The following KDM7A variants were observed in gnomAD, a reference collection of about 807,000 sequenced individuals.
The protein encoded by KDM7A is lysine-specific demethylase 7A.
Under a neutral mutation model 114.8 loss-of-function variants are expected in KDM7A, and 28 were observed. That is an observed-to-expected ratio of 0.24 (90% CI 0.18 to 0.33). The LOEUF (loss-of-function observed/expected upper bound fraction) is 0.33. Among genes scored for constraint, KDM7A ranks in the 10% least tolerant of loss-of-function variants. KDM7A has a pLI of 1.00. For synonymous variants in KDM7A, 423 were observed against 397.8 expected (o/e 1.06, Z -0.75); for missense variants, 942 against 1,142.5 (o/e 0.82, Z 2.53).
intron 11 of KDM7A, among the ~76,000 whole-genome samples, chr7:140,106,954 A>G (rs1290847173): frequency 6.6e-6 from 1 of 152,030 alleles, no homozygotes; most frequent in Non-Finnish European, 1.5e-5. Flanking sequence ...GACTTGCTTT[A>G]TGAATCTGGG....
intron 1 of KDM7A, among the ~76,000 whole-genome samples, chr7:140,162,238 G>A (rs1281673742): frequency 1.3e-5 from 2 of 151,970 alleles, no homozygotes; most frequent in African/African-American, 2.4e-5. Context: ...GGGAGGCTAA[G>A]GCAGGAGAAT....
chr7:140,153,851 T>C (rs1284001279), intron 1 of KDM7A, among the ~76,000 whole-genome samples: 1 of 152,222 alleles, frequency 6.6e-6, no homozygotes, highest in African/African-American at 2.4e-5. Context: ...TTTGTTTCTT[T>C]GTTGCTCTTT....
intron 1 of KDM7A, among the ~76,000 whole-genome samples, chr7:140,158,467 G>C (rs1451083274): frequency 6.6e-6 from 1 of 152,170 alleles, no homozygotes; most frequent in Non-Finnish European, 1.5e-5. Context: ...ACGAAGGACT[G>C]CCATTAAATG....
intron 4 of KDM7A, 47 bp from the exon 5 acceptor site, chr7:140,127,630 C>T (rs771136077): frequency 1.3e-6 from 2 of 1,484,206 alleles, no homozygotes; most frequent in Non-Finnish European, 1.9e-6. Flanking sequence ...AGAGTTACAT[C>T]AGCAGATGCT....
intron 11 of KDM7A, among the ~76,000 whole-genome samples, chr7:140,109,193 G>C (rs1369346168): frequency 6.6e-6 from 1 of 152,194 alleles, no homozygotes; most frequent in Admixed American, 6.5e-5. Context: ...CTAGGAAAGG[G>C]AACTCCCCGA....
rs768967415 is a variant in KDM7A, at chr7:140,113,491, T to C, written c.1338A>G (p.Glu446=). Residue 446 remains glutamate, a splice_region_variant and synonymous_variant, in exon 10 of 20, where the codon GAA becomes GAG. Transcript: ENST00000397560. The part of the protein sequence containing the change: ...HTALKLWMKK[E]LVSEHAFEIP... Reference sequence around the variant, plus strand: ...TGATTTCACTGTTGAAACAACTTACTTCTTTTTTCATCCATAATTTTAAAG... The same window carrying C: ...TGATTTCACTGTTGAAACAACTTACCTCTTTTTTCATCCATAATTTTAAAG... 3 of 1,544,952 alleles carry C rather than the reference T, an allele frequency of 1.9e-6. No individual in the cohort carries two copies. Among genetic ancestry groups the C allele is most frequent in the Admixed American group, 3.5e-5 (2 of 57,140 alleles).
In KDM7A at chr7:140,098,963, T is replaced by A; in HGVS notation, c.1834A>T (p.Arg612Trp). Residue 612 changes from arginine (R) to tryptophan (W), a missense_variant, in exon 14 of 20, where the codon AGG becomes TGG. Arg to Trp is a moderately radical substitution (Grantham distance 101). Coordinates refer to ENST00000397560, the MANE Select transcript of KDM7A (RefSeq NM_030647.2). ...ADSENEEDKR[R>W]TKKAKMKIEE... ...ATCTTCATTTTTGCCTTTTTTGTCC[T>A]TCTTTTATCCTCTTCATTTTCACTA... 6.2e-7 allele frequency: 1 copy of A among 1,613,522 alleles called. No individual in the cohort carries two copies. Among genetic ancestry groups the A allele is most frequent in the Non-Finnish European group, 8.5e-7 (1 of 1,179,512 alleles).
rs572538493 is a variant in KDM7A, at chr7:140,101,839, C to T, written c.1638+112G>A. 15 of 729,788 alleles carry T rather than the reference C, an allele frequency of 2.1e-5. No homozygotes were observed. In the African/African-American group the frequency reaches 2.7e-4, roughly 13 times the overall value. 45.2% of individuals were successfully genotyped at this position (729,788 alleles called of 1,614,324 possible). A position where few individuals can be genotyped will look rare whatever the true frequency, so the allele number is the denominator to read the frequency against. ...TAACTACTGGTTGATCCCTACAATG[C>T]TGCAGCCAAGATTAGATATCAACAA... On this transcript the variant is annotated intron_variant, in intron 12 of 19. Transcript: ENST00000397560.
At chr7:140,145,770 C>T (rs2116829475) in intron 1 of KDM7A, among the ~76,000 whole-genome samples, 1 of 152,218 alleles carries the variant, frequency 6.6e-6, no homozygotes, top group Admixed American at 6.5e-5. Flanking sequence ...TTCCTCACTC[C>T]TAAGAAGTGA....
chr7:140,120,713 G>A (rs1239820040), intron 7 of KDM7A, among the ~76,000 whole-genome samples, 184 bp from the exon 8 acceptor site: 1 of 152,114 alleles, frequency 6.6e-6, no homozygotes. Context: ...TTATATGGTA[G>A]GCTCTATGCT....
At chr7:140,168,671 T>G (rs140473215) in intron 1 of KDM7A, among the ~76,000 whole-genome samples, 1 of 151,774 alleles carries the variant, frequency 6.6e-6, no homozygotes, top group Non-Finnish European at 1.5e-5. Flanking sequence ...GTGAAAAGAA[T>G]TGACCTAAGT....
At chr7:140,153,833 T>C (rs183217111) in intron 1 of KDM7A, among the ~76,000 whole-genome samples, 1 of 152,316 alleles carries the variant, frequency 6.6e-6, no homozygotes, top group East Asian at 1.9e-4. Flanking sequence ...CTTCCAGAGT[T>C]ATCATTTTTT....
At chr7:140,162,641 C>T (rs1585167582) in intron 1 of KDM7A, among the ~76,000 whole-genome samples, 2 of 152,156 alleles carry the variant, frequency 1.3e-5, no homozygotes, top group African/African-American at 4.8e-5. Context: ...GTGTTCTTTA[C>T]ACTTGTCTTT....
At position 140,176,184 on chromosome 7, in the gene KDM7A, C is replaced by A. The variant is rs562435830; in HGVS notation, c.194+560G>T. Among the ~76,000 whole-genome samples the A allele has an allele frequency of 3.3e-5, 5 of 152,004 alleles. No individual in the cohort carries two copies. Among genetic ancestry groups the A allele is most frequent in the East Asian group, 2.0e-4 (1 of 5,104 alleles). ...CCCGCCGCTGCCCCCGTCCCACTGG[C>A]CCAGGAAGTTTGATAAAGACGGGGA... On this transcript the variant is annotated intron_variant, in intron 1 of 19. Coordinates refer to ENST00000397560, the MANE Select transcript of KDM7A (RefSeq NM_030647.2). The surrounding 1 kb of genome is among the most constrained non-coding windows in gnomAD (Gnocchi z 4.4).
intron 1 of KDM7A, among the ~76,000 whole-genome samples, chr7:140,154,257 G>T (rs994791027): frequency 6.6e-6 from 1 of 151,856 alleles, no homozygotes; most frequent in Non-Finnish European, 1.5e-5. Context: ...AGGCTAAGGC[G>T]GGAGGACTTC....
chr7:140,148,297 T>G (rs1794361902), intron 1 of KDM7A, among the ~76,000 whole-genome samples: 1 of 152,128 alleles, frequency 6.6e-6, no homozygotes, highest in Non-Finnish European at 1.5e-5. Context: ...AATCTCTCTC[T>G]CTCGAGTCAG....
At chr7:140,104,934 C>T (rs866720405) in intron 11 of KDM7A, among the ~76,000 whole-genome samples, 1 of 152,078 alleles carries the variant, frequency 6.6e-6, no homozygotes, top group Non-Finnish European at 1.5e-5. Flanking sequence ...ATGGAATGTT[C>T]TTCCATTTGT....
At chr7:140,170,794 G>C (rs994765198) in intron 1 of KDM7A, among the ~76,000 whole-genome samples, 2 of 152,144 alleles carry the variant, frequency 1.3e-5, no homozygotes, top group African/African-American at 4.8e-5. Flanking sequence ...TGTATTTCTA[G>C]CACAAATACA....
intron 1 of KDM7A, among the ~76,000 whole-genome samples, chr7:140,156,644 T>C (rs1295604536): frequency 6.6e-6 from 1 of 152,192 alleles, no homozygotes; most frequent in East Asian, 1.9e-4. Context: ...TAGGTATTTA[T>C]CTACTATCTC....
Sources: gnomAD v4.1 joint callset for allele counts (sites outside exome capture counted in the v4.1 genomes callset) on GRCh38, gnomAD v4.1.1 for gene constraint, Gnocchi (gnomAD v3.1) non-coding constraint, MANE v1.5 for transcripts, NCBI Gene and HGNC (gene_info 2026-07-23, HGNC 2026-07-21) for gene names.